The following COP1 variants were observed in gnomAD, a reference collection of about 807,000 sequenced individuals.
The protein encoded by COP1 is COP1 E3 ubiquitin ligase, also known as E3 ubiquitin-protein ligase COP1.
Under a neutral mutation model 101.3 loss-of-function variants are expected in COP1, and 24 were observed. That is an observed-to-expected ratio of 0.24 (90% CI 0.17 to 0.33). The LOEUF (loss-of-function observed/expected upper bound fraction) is 0.33. COP1 is among the 10% of genes least tolerant of loss of function. The probability of loss-of-function intolerance (pLI) is 1.00; values close to 1 mark genes in which losing one functional copy is unlikely to be tolerated. For missense variants in COP1, 663 were observed against 906.2 expected (o/e 0.73, Z 3.45); for synonymous variants, 347 against 341.9 (o/e 1.01, Z -0.17).
intron 18 of COP1, among the ~76,000 whole-genome samples, chr1:175,984,477 G>A (rs1194414368): frequency 6.6e-6 from 1 of 152,204 alleles, no homozygotes; most frequent in African/African-American, 2.4e-5. Flanking sequence ...TGCTGCAAGG[G>A]TGGGCCCCTC....
chr1:175,981,301 GT>G (rs1655804627), intron 18 of COP1, among the ~76,000 whole-genome samples: 1 of 152,052 alleles, frequency 6.6e-6, no homozygotes. Context: ...TTCACTGTCT[GT>G]TGGCTTCCAC....
chr1:175,964,105 A>C (rs1225079986), intron 18 of COP1, among the ~76,000 whole-genome samples: 3 of 152,182 alleles, frequency 2.0e-5, no homozygotes, highest in African/African-American at 7.2e-5. Context: ...CTATTAATCT[A>C]ATTTCACAGA....
intron 1 of COP1, among the ~76,000 whole-genome samples, chr1:176,190,454 A>T (rs1243711678): frequency 1.3e-5 from 2 of 151,894 alleles, no homozygotes; most frequent in African/African-American, 4.8e-5. Context: ...TTTTTATACC[A>T]ATTGCCAGAA....
chr1:176,036,164 G>T (rs1363169911), intron 14 of COP1, among the ~76,000 whole-genome samples: 1 of 151,964 alleles, frequency 6.6e-6, no homozygotes, highest in African/African-American at 2.4e-5. Flanking sequence ...TGCTAAAGTA[G>T]TGCTTAATGG....
At chr1:176,029,659 T>C (rs1057483275) in intron 14 of COP1, among the ~76,000 whole-genome samples, 2 of 152,162 alleles carry the variant, frequency 1.3e-5, no homozygotes, top group African/African-American at 2.4e-5. Context: ...GATTCTAACA[T>C]GCATTTGGGG....
chr1:176,037,829 T>C (rs914675082), intron 14 of COP1, among the ~76,000 whole-genome samples: 9 of 152,162 alleles, frequency 5.9e-5, no homozygotes, highest in Admixed American at 4.6e-4. Context: ...ATTTAGTCAG[T>C]ATATTAAGTG....
intron 9 of COP1, among the ~76,000 whole-genome samples, chr1:176,095,525 A>C (rs2502833): frequency 0.92 from 140,073 of 151,782 alleles, 65,405 homozygotes; most frequent in East Asian, 1. Context: ...ATAAAACACA[A>C]AAAAAAATAA....
chr1:176,204,196 A>C (rs1308783940), intron 1 of COP1, among the ~76,000 whole-genome samples: 2 of 152,182 alleles, frequency 1.3e-5, no homozygotes, highest in African/African-American at 4.8e-5. Flanking sequence ...CGACAAACAA[A>C]ATTACTTCTC....
chr1:176,081,353 A>T, intron 10 of COP1, 66 bp from the exon 11 acceptor site: 1 of 1,262,458 alleles, frequency 7.9e-7, no homozygotes, highest in Non-Finnish European at 1.1e-6. Flanking sequence ...TCAAAGAGCC[A>T]CATCCACAAA....
At chr1:176,146,189 G>A (rs571795448) in intron 6 of COP1, among the ~76,000 whole-genome samples, 1 of 152,240 alleles carries the variant, frequency 6.6e-6, no homozygotes, top group Admixed American at 6.5e-5. Context: ...TCATTCAAAT[G>A]CTGGTACAAA....
intron 6 of COP1, among the ~76,000 whole-genome samples, chr1:176,138,558 A>G (rs533998732): frequency 6.6e-6 from 1 of 152,160 alleles, no homozygotes; most frequent in African/African-American, 2.4e-5. Context: ...ACTCTTTCAA[A>G]TAACAGCTGC....
chr1:176,047,243 C>T (rs1671679593), intron 11 of COP1, among the ~76,000 whole-genome samples: 1 of 152,186 alleles, frequency 6.6e-6, no homozygotes, highest in Admixed American at 6.5e-5. Flanking sequence ...ATTAATTACA[C>T]AATAATACCT....
chr1:176,028,695 T>TTATATATATATATATATA (rs1668109247), intron 14 of COP1, among the ~76,000 whole-genome samples: 4 of 13,384 alleles, frequency 3.0e-4, no homozygotes, highest in Non-Finnish European at 4.9e-4. Flanking sequence ...TATATTTGTT[T>TTATATATATATATATATA]CATATATATA....
chr1:175,973,911 A>C (rs1653877460), intron 18 of COP1, among the ~76,000 whole-genome samples: 1 of 152,202 alleles, frequency 6.6e-6, no homozygotes, highest in African/African-American at 2.4e-5. Context: ...CAAACAAAAA[A>C]CCCAGCATTC....
intron 5 of COP1, among the ~76,000 whole-genome samples, chr1:176,154,277 G>T (rs1572564090): frequency 6.6e-6 from 1 of 152,090 alleles, no homozygotes; most frequent in East Asian, 1.9e-4. Context: ...TCTTGAAAGG[G>T]TGTATGTGAC....
intron 15 of COP1, among the ~76,000 whole-genome samples, chr1:176,017,974 A>G (rs1290157146): frequency 6.6e-6 from 1 of 152,216 alleles, no homozygotes; most frequent in South Asian, 2.1e-4. Context: ...ACAAACACAC[A>G]TGGAATACTT....
chr1:176,075,274 TTAAA>T (rs1677779908), intron 11 of COP1, among the ~76,000 whole-genome samples: 1 of 152,192 alleles, frequency 6.6e-6, no homozygotes, highest in African/African-American at 2.4e-5. Flanking sequence ...CATTACTGAG[TTAAA>T]CAGCTGACAG....
intron 9 of COP1, among the ~76,000 whole-genome samples, chr1:176,113,948 T>TG (rs897414683): frequency 2.6e-5 from 4 of 151,028 alleles, no homozygotes; most frequent in East Asian, 1.9e-4. Flanking sequence ...GGGTAGGGTT[T>TG]TTTTTTTTTT....
In COP1 at chr1:176,207,167, G is replaced by A. The variant is rs1700950310; in HGVS notation, c.-189C>T. 4 of 438,846 alleles carry A rather than the reference G, an allele frequency of 9.1e-6. No individual in the cohort carries two copies. Among genetic ancestry groups the A allele is most frequent in the Non-Finnish European group, 3.9e-6 (1 of 256,646 alleles). The allele number at this position is 438,846 out of a possible 1,614,324, so 27.2% of individuals were successfully genotyped here. A position where few individuals can be genotyped will look rare whatever the true frequency, so the allele number is the denominator to read the frequency against. ...ACAACAGCGTCCCACGGGAGGGGGCGGAGGAAACTAAAAAAGCGGAGTAGA... is the reference window on the plus strand; with the variant it reads ...ACAACAGCGTCCCACGGGAGGGGGCAGAGGAAACTAAAAAAGCGGAGTAGA... On this transcript the variant is annotated 5_prime_UTR_variant, in exon 1 of 20. Coordinates refer to ENST00000367669, the MANE Select transcript of COP1 (RefSeq NM_022457.7).
Sources: allele counts gnomAD v4.1 joint callset (sites outside exome capture counted in the v4.1 genomes callset), GRCh38; gene constraint gnomAD v4.1.1; transcripts MANE v1.5; gene names NCBI Gene and HGNC (gene_info 2026-07-23, HGNC 2026-07-21).